The following PCSK5 variants were observed in gnomAD, a reference collection of about 807,000 sequenced individuals.
PCSK5 encodes proprotein convertase subtilisin/kexin type 5.
PCSK5 carries 129 observed loss-of-function variants against 233.2 expected under a neutral mutation model. The ratio of observed to expected loss-of-function variants is 0.55; its 90% CI spans 0.48 to 0.64. The LOEUF (loss-of-function observed/expected upper bound fraction) is 0.64, where lower values mean the gene tolerates loss of function less well. PCSK5 is among the 30% of genes least tolerant of loss of function. The probability of loss-of-function intolerance (pLI) is 0.00; values close to 1 mark genes in which losing one functional copy is unlikely to be tolerated. For missense variants in PCSK5, 2,076 were observed against 2,430.1 expected, an observed-to-expected ratio of 0.85 and a Z score of 3.06; for synonymous variants, 825 against 879.2, an observed-to-expected ratio of 0.94 and a Z score of 1.09.
chr9:75,925,224 A>G (rs773125997), intron 1 of PCSK5, among the ~76,000 whole-genome samples: 9 of 152,192 alleles, frequency 5.9e-5, no homozygotes, highest in Non-Finnish European at 1.2e-4. Flanking sequence ...AATTTCAGAT[A>G]TATTTTTATT....
At chr9:76,166,503 G>T (rs748691468) in intron 12 of PCSK5, among the ~76,000 whole-genome samples, 2 of 152,208 alleles carry the variant, frequency 1.3e-5, no homozygotes, top group Non-Finnish European at 2.9e-5. Context: ...TGCTAATCCA[G>T]CAGTCAAATC....
chr9:76,109,021 C>T (rs1394885988), intron 9 of PCSK5, among the ~76,000 whole-genome samples: 1 of 152,124 alleles, frequency 6.6e-6, no homozygotes, highest in Non-Finnish European at 1.5e-5. Flanking sequence ...GGATTTCTTT[C>T]TTTTTGACGA....
intron 7 of PCSK5, among the ~76,000 whole-genome samples, chr9:76,080,766 A>G (rs946890306): frequency 6.6e-6 from 1 of 152,202 alleles, no homozygotes; most frequent in Non-Finnish European, 1.5e-5. Context: ...TAAGGATTAT[A>G]TGATTAATTC....
At chr9:76,146,326 T>TAA (rs150900509) in intron 10 of PCSK5, among the ~76,000 whole-genome samples, 2 of 150,468 alleles carry the variant, frequency 1.3e-5, no homozygotes, top group Non-Finnish European at 1.5e-5. Flanking sequence ...TTAGCTCTAA[T>TAA]AAAAAAAAAT....
intron 8 of PCSK5, among the ~76,000 whole-genome samples, chr9:76,106,597 A>T (rs1348534197): frequency 6.6e-6 from 1 of 152,220 alleles, no homozygotes; most frequent in Non-Finnish European, 1.5e-5. Context: ...ACAAGCTTAC[A>T]CTTAGTGCTG....
At chr9:75,951,933 T>C (rs181455487) in intron 2 of PCSK5, among the ~76,000 whole-genome samples, 7 of 152,222 alleles carry the variant, frequency 4.6e-5, no homozygotes, top group Non-Finnish European at 1.5e-5. Context: ...TGACTGTATT[T>C]TAATTCTTTA....
intron 24 of PCSK5, among the ~76,000 whole-genome samples, chr9:76,278,422 A>G (rs1827756148): frequency 6.6e-6 from 1 of 152,212 alleles, no homozygotes; most frequent in Non-Finnish European, 1.5e-5. Context: ...GGAACAAAAA[A>G]GTAAAGAGCT....
At chr9:76,068,585 T>A (rs1830370481) in intron 6 of PCSK5, among the ~76,000 whole-genome samples, 1 of 152,240 alleles carries the variant, frequency 6.6e-6, no homozygotes, top group African/African-American at 2.4e-5. Flanking sequence ...TCAGATTATA[T>A]CTATATGCAG....
chr9:76,188,986 A>AATT, intron 18 of PCSK5, 108 bp from the exon 19 acceptor site: 2 of 964,492 alleles, frequency 2.1e-6, no homozygotes, highest in Middle Eastern at 3.1e-4. Flanking sequence ...ATGAATATTA[A>AATT]ATTATTATTC....
At chr9:76,277,866 A>G (rs1392702701) in intron 24 of PCSK5, among the ~76,000 whole-genome samples, 1 of 152,230 alleles carries the variant, frequency 6.6e-6, no homozygotes, top group Non-Finnish European at 1.5e-5. Context: ...CTCTTTGGGA[A>G]TATAAATGTT....
intron 3 of PCSK5, among the ~76,000 whole-genome samples, chr9:76,009,098 C>T (rs568775923): frequency 6.6e-5 from 10 of 152,054 alleles, no homozygotes; most frequent in South Asian, 4.2e-4. Context: ...TTTCATAGTC[C>T]GTGTGGTACC....
At position 76,262,849 on chromosome 9, in the gene PCSK5, A is replaced by G. The variant is rs368216526; in HGVS notation, c.3142+22165A>G. Reference sequence around the variant, plus strand: ...ATCAGAGTGAACAGGCAACCTACAAAATGGGAGGAAATTTTCGCAACCTGC... The same window carrying G: ...ATCAGAGTGAACAGGCAACCTACAAGATGGGAGGAAATTTTCGCAACCTGC... On this transcript the variant is annotated intron_variant, in intron 24 of 37. Coordinates refer to ENST00000674117, the MANE Select transcript of PCSK5 (RefSeq NM_001372043.1). Among the ~76,000 whole-genome samples, 14 of 151,918 alleles carry G rather than the reference A, an allele frequency of 9.2e-5. No individual in the cohort carries two copies. The East Asian group carries it at 2.7e-3, about 29-fold the overall frequency.
rs546934304 is a variant in PCSK5, at chr9:75,943,071, G to A, written c.297+10588G>A. ...GGCTAATTTTTGTATTTTTAGTAGA[G>A]ACGGGGTTTCGCCATGTTGGCCAGG... On this transcript the variant is annotated intron_variant, in intron 2 of 37. Coordinates refer to ENST00000674117, the MANE Select transcript of PCSK5 (RefSeq NM_001372043.1). 9.1e-4 allele frequency among the ~76,000 whole-genome samples: 139 copies of A among 151,994 alleles called. 1 individual carries two copies. The South Asian group carries it at 0.019, about 20-fold the overall frequency.
intron 1 of PCSK5, among the ~76,000 whole-genome samples, chr9:75,922,742 A>G (rs1057470938): frequency 3.3e-5 from 5 of 152,222 alleles, no homozygotes; most frequent in African/African-American, 9.6e-5. Context: ...CTGAGATTCT[A>G]TGATTTGCTT....
intron 5 of PCSK5, among the ~76,000 whole-genome samples, chr9:76,065,250 A>G (rs1830243815): frequency 6.6e-6 from 1 of 152,090 alleles, no homozygotes; most frequent in African/African-American, 2.4e-5. Flanking sequence ...ATACTAATTT[A>G]CATTCCCACC....
intron 3 of PCSK5, among the ~76,000 whole-genome samples, chr9:76,014,945 C>A (rs555869610): frequency 4.6e-5 from 7 of 151,960 alleles, no homozygotes; most frequent in Non-Finnish European, 1.0e-4. Context: ...ATATATATAT[C>A]TGGAGAAAGA....
At chr9:75,891,416 C>G in intron 1 of PCSK5, 43 bp downstream of exon 1, 1 of 1,464,944 alleles carries the variant, frequency 6.8e-7, no homozygotes, top group Non-Finnish European at 9.2e-7. Flanking sequence ...CCTGAAGCCA[C>G]TGGGGGCTTC....
At chr9:75,937,010 C>A (rs1220272293) in intron 2 of PCSK5, among the ~76,000 whole-genome samples, 1 of 152,054 alleles carries the variant, frequency 6.6e-6, no homozygotes, top group Non-Finnish European at 1.5e-5. Flanking sequence ...TCTTGGGTGA[C>A]TAGGTACATT....
At chr9:75,959,807 C>T (rs1168281202) in intron 2 of PCSK5, among the ~76,000 whole-genome samples, 1 of 152,156 alleles carries the variant, frequency 6.6e-6, no homozygotes, top group Non-Finnish European at 1.5e-5. Context: ...ATGTGCTGGG[C>T]ACAACACTGT....
Sources: allele counts gnomAD v4.1 joint callset (sites outside exome capture counted in the v4.1 genomes callset), GRCh38; gene constraint gnomAD v4.1.1; transcripts MANE v1.5; gene names NCBI Gene and HGNC (gene_info 2026-07-23, HGNC 2026-07-21).